AFDN: variants seen among roughly 807,000 people sequenced by gnomAD.
AFDN encodes afadin, adherens junction formation factor, also known as afadin.
Under a neutral mutation model 216.6 loss-of-function variants are expected in AFDN, and 68 were observed. The observed-to-expected ratio is 0.31, with a 90% CI of 0.26 to 0.38. The LOEUF (loss-of-function observed/expected upper bound fraction) is 0.38. Ranked by LOEUF, AFDN falls within the 10% of genes least tolerant of loss-of-function variation. AFDN has a pLI of 1.00. For missense variants in AFDN, 2,136 were observed against 2,342.0 expected (o/e 0.91, Z 1.82); for synonymous variants, 868 against 853.7 (o/e 1.02, Z -0.29).
rs865792849 is a variant in AFDN at position 167,951,373 on chromosome 6, C to T, written c.4019C>T (p.Ser1340Phe). The T allele has an allele frequency of 3.1e-6, 5 of 1,614,208 alleles. No homozygotes were observed. Among genetic ancestry groups the T allele is most frequent in the Non-Finnish European group, 4.2e-6 (5 of 1,180,044 alleles). ...NHSSKSVTPASTLTKSGPGRW... is the reference protein window; with the variant it reads ...NHSSKSVTPAFTLTKSGPGRW... The stretch of plus-strand genomic sequence containing the variant: ...TCCTCTAAGTCGGTCACCCCTGCTT[C>T]CACACTGACCAAAAGTGGCCCTGGC... The change falls in exon 30 of 34, where the codon TCC (serine) becomes TTC (phenylalanine). Residue 1340 changes from serine to phenylalanine, a missense_variant. Transcript: ENST00000683244. The surrounding 1 kb of genome is among the most constrained non-coding windows in gnomAD (Gnocchi z 7.1).
intron 26 of AFDN, among the ~76,000 whole-genome samples, chr6:167,945,473 ACAAG>A (rs1460782004): frequency 6.6e-6 from 1 of 152,228 alleles, no homozygotes. Flanking sequence ...AAATATATAA[ACAAG>A]CAACCCAGTC....
intron 30 of AFDN, among the ~76,000 whole-genome samples, chr6:167,955,774 T>G (rs1295893749): frequency 2.0e-5 from 3 of 152,182 alleles, no homozygotes. Flanking sequence ...TTCTGAGCAT[T>G]TCTTAGCCCA....
intron 1 of AFDN, among the ~76,000 whole-genome samples, chr6:167,835,546 G>C (rs189535365): frequency 1.0e-3 from 155 of 152,292 alleles, no homozygotes; most frequent in Middle Eastern, 3.4e-3. Context: ...AATTTTCAAG[G>C]AAATCAGTCA....
At chr6:167,840,102 C>T (rs917928468) in intron 1 of AFDN, among the ~76,000 whole-genome samples, 1 of 152,086 alleles carries the variant, frequency 6.6e-6, no homozygotes, top group Non-Finnish European at 1.5e-5. Context: ...AGCTCATGGG[C>T]GGTGGACCTT....
chr6:167,886,064 A>G lies in AFDN; in HGVS notation c.898-3151A>G, dbSNP rs190098461. ...ATGCATAAAGATAATTATTGAAAGTATGGTCACAAAAATATAGTAATCTCA... is the reference window on the plus strand; with the variant it reads ...ATGCATAAAGATAATTATTGAAAGTGTGGTCACAAAAATATAGTAATCTCA... On this transcript the variant is annotated intron_variant, in intron 6 of 33. Coordinates refer to ENST00000683244, the MANE Select transcript of AFDN (RefSeq NM_001386888.1). 3.3e-5 allele frequency among the ~76,000 whole-genome samples: 5 copies of G among 152,340 alleles called. No individual in the cohort carries two copies. In the East Asian group the frequency reaches 5.8e-4, roughly 18 times the overall value.
chr6:167,834,457 GT>G (rs11446838), intron 1 of AFDN, among the ~76,000 whole-genome samples: 97 of 75,242 alleles, frequency 1.3e-3, no homozygotes, highest in South Asian at 1.9e-3. Context: ...TGTTGTTTCG[GT>G]TTTTTTTTTT....
intron 4 of AFDN, 41 bp downstream of exon 4, chr6:167,872,418 A>G (rs766784666): frequency 7.7e-6 from 12 of 1,568,178 alleles, no homozygotes; most frequent in Non-Finnish European, 1.0e-5. Flanking sequence ...TTTGTGCTCC[A>G]AATCAGATGT....
At chr6:167,952,386 A>T in intron 30 of AFDN, 199 bp downstream of exon 30, 1 of 1,458,554 alleles carries the variant, frequency 6.9e-7, no homozygotes, top group Non-Finnish European at 9.0e-7. Context: ...ATTTTTTAAG[A>T]CATGCTTTGA....
At position 167,951,472 on chromosome 6, in the gene AFDN, C is replaced by G; in HGVS notation, c.4118C>G (p.Pro1373Arg). 6.2e-7 allele frequency: 1 copy of G among 1,613,882 alleles called. No homozygotes were observed. Among genetic ancestry groups the G allele is most frequent in the Non-Finnish European group, 8.5e-7 (1 of 1,179,916 alleles). ...CAGCCAATCCGAACAGACCTGCCTC[C>G]GCCACCCCCGCCACCTCCAGTCCAC... is the stretch of plus-strand genomic sequence containing the variant. Reference protein sequence around the residue: ...VSQPIRTDLPPPPPPPPVHYA... With the variant: ...VSQPIRTDLPRPPPPPPVHYA... Residue 1373 changes from proline to arginine, a missense_variant, in exon 30 of 34, where the codon CCG (proline) becomes CGG (arginine). By Grantham distance (103) the Pro-to-Arg change is moderately radical. Coordinates refer to ENST00000683244, the MANE Select transcript of AFDN (RefSeq NM_001386888.1). The surrounding 1 kb of genome is among the most constrained non-coding windows in gnomAD (Gnocchi z 7.1).
chr6:167,956,167 T>G (rs1447722969), intron 30 of AFDN, among the ~76,000 whole-genome samples: 1 of 148,936 alleles, frequency 6.7e-6, no homozygotes, highest in Admixed American at 6.7e-5. Context: ...ATGTAAGAAT[T>G]GGCAGGTTAC....
rs1795934269 is a variant in AFDN, at chr6:167,951,188, T to C, written c.3834T>C (p.Arg1278=). ...AATAATTCTTTTTCTTTTTGCAGCG[T>C]GTTACACGTTCCCAAGAAGAACTTC... is the stretch of plus-strand genomic sequence containing the variant. ...DSNHSSIAIQ[R]VTRSQEELRE... is the part of the protein sequence containing the mutation. The change falls in exon 30 of 34, where the codon CGT becomes CGC. Residue 1278 remains arginine, a splice_region_variant and synonymous_variant. Transcript: ENST00000683244. This position sits in a 1 kb window ranked among gnomAD's most constrained non-coding sequence, Gnocchi z 7.1. 1 of 1,548,580 alleles carries C rather than the reference T, an allele frequency of 6.5e-7. No homozygotes were observed. The highest frequency in any genetic ancestry group is 1.4e-5 in the African/African-American group (1 of 72,470).
rs1028555427 is a variant in AFDN at position 167,923,163 on chromosome 6, C to T, written c.3012+204C>T. The T allele has an allele frequency of 9.1e-4, 416 of 458,716 alleles. 2 individuals are homozygous for T. Among genetic ancestry groups the T allele is most frequent in the Middle Eastern group, 4.1e-3 (12 of 2,920 alleles). 28.4% of individuals were successfully genotyped at this position (458,716 alleles called of 1,614,324 possible). A position where few individuals can be genotyped will look rare whatever the true frequency, so the allele number is the denominator to read the frequency against. The stretch of plus-strand genomic sequence containing the variant: ...CAAGCCATGTCTATTACAGTTTTGT[C>T]TGTAAGCAGTGGTGCTTTTTAAAAT... On this transcript the variant is annotated intron_variant, in intron 22 of 33. Coordinates refer to ENST00000683244, the MANE Select transcript of AFDN (RefSeq NM_001386888.1).
intron 29 of AFDN, among the ~76,000 whole-genome samples, chr6:167,950,594 C>A (rs1206265265): frequency 6.6e-6 from 1 of 152,178 alleles, no homozygotes; most frequent in Non-Finnish European, 1.5e-5. Context: ...GAAAGCCAGT[C>A]CTTAGCTTGT....
chr6:167,944,555 A>T (rs1795052269), intron 26 of AFDN, among the ~76,000 whole-genome samples: 1 of 152,168 alleles, frequency 6.6e-6, no homozygotes, highest in African/African-American at 2.4e-5. Flanking sequence ...AGGCATGATG[A>T]TCTCATTCTG....
intron 11 of AFDN, among the ~76,000 whole-genome samples, chr6:167,901,773 T>C (rs1242246623): frequency 1.3e-5 from 2 of 151,798 alleles, no homozygotes; most frequent in Non-Finnish European, 2.9e-5. Flanking sequence ...TTTTTTATGT[T>C]CCGTTTCTTG....
intron 4 of AFDN, among the ~76,000 whole-genome samples, chr6:167,873,313 T>G (rs1784986801): frequency 6.6e-6 from 1 of 152,226 alleles, no homozygotes; most frequent in Non-Finnish European, 1.5e-5. Flanking sequence ...AACAGAAATG[T>G]AACCACAGTT....
intron 9 of AFDN, among the ~76,000 whole-genome samples, chr6:167,894,520 G>A (rs1413962398): frequency 6.6e-6 from 1 of 152,148 alleles, no homozygotes; most frequent in Non-Finnish European, 1.5e-5. Flanking sequence ...GAGAGGGAAT[G>A]GACTACTGCA....
intron 11 of AFDN, among the ~76,000 whole-genome samples, chr6:167,900,970 T>C (rs187283869): frequency 3.3e-4 from 50 of 152,344 alleles, no homozygotes; most frequent in East Asian, 2.3e-3. Context: ...GTAAAAACTT[T>C]TACTCTTTCA....
Position 167,951,399 on chromosome 6 carries a change from C to T in AFDN, c.4045C>T (p.Arg1349Cys), listed in dbSNP as rs750633112. 5.6e-6 allele frequency: 9 copies of T among 1,613,994 alleles called. No individual in the cohort carries two copies. Among genetic ancestry groups the T allele is most frequent in the African/African-American group, 2.7e-5 (2 of 74,926 alleles). ...ASTLTKSGPG[R>C]WKTPAAIPAT... The stretch of plus-strand genomic sequence containing the variant: ...CACACTGACCAAAAGTGGCCCTGGC[C>T]GTTGGAAAACACCAGCAGCCATACC... Residue 1349 changes from arginine to cysteine, a missense_variant, in exon 30 of 34, where the codon CGT becomes TGT. Around this residue, in one of 8 missense-constraint regions of AFDN, gnomAD observed 981 missense variants for 966.0 expected, o/e 1.02. Transcript: ENST00000683244. The surrounding 1 kb of genome is among the most constrained non-coding windows in gnomAD (Gnocchi z 7.1).
Sources: gnomAD v4.1 joint callset for allele counts (sites outside exome capture counted in the v4.1 genomes callset) on GRCh38, gnomAD v4.1.1 for gene constraint, gnomAD v4.1.1 regional missense constraint, Gnocchi (gnomAD v3.1) non-coding constraint, MANE v1.5 for transcripts, NCBI Gene and HGNC (gene_info 2026-07-23, HGNC 2026-07-21) for gene names.